Variants in CD40LG observed in about 807,000 individuals in gnomAD.
The protein encoded by CD40LG is CD40 ligand.
Under a neutral mutation model 17.2 loss-of-function variants are expected in CD40LG, and 1 was observed. That is an observed-to-expected ratio of 0.06 (90% confidence interval 0.02 to 0.28). CD40LG has a LOEUF of 0.28. CD40LG is among the 10% of genes least tolerant of loss of function. The pLI is 1.00. For synonymous variants in CD40LG, 66 were observed against 74.4 expected (o/e 0.89, Z 0.58); for missense variants, 133 against 193.2 (o/e 0.69, Z 1.85).
chrX:136,659,451 C>T lies in CD40LG; in HGVS notation c.*36C>T. ...CTTGCAGGCTGTGGTGGAGCTGACG[C>T]TGGGAGTCTTCATAATACAGCACAG... On this transcript the variant is annotated 3_prime_UTR_variant, in exon 5 of 5. Coordinates refer to ENST00000370629, the MANE Select transcript of CD40LG (RefSeq NM_000074.3). The T allele has an allele frequency of 8.4e-7, 1 of 1,196,855 alleles. No individual in the cohort carries two copies. The highest frequency in any genetic ancestry group is 1.1e-6 in the Non-Finnish European group (1 of 888,008).
At position 136,659,575 on chromosome X, in the gene CD40LG, T is replaced by C; in HGVS notation, c.*160T>C. The C allele has an allele frequency of 1.8e-6, 1 of 559,396 alleles. No homozygotes were observed. The highest frequency in any genetic ancestry group is 2.8e-6 in the Non-Finnish European group (1 of 356,192). 46.1% of individuals were successfully genotyped at this position (559,396 alleles called of 1,213,427 possible). ...CACTCCAAGGCATGTAGAACTGTAATAAGTGAATTACAGGTCACATGAAAC... is the reference window on the plus strand; with the variant it reads ...CACTCCAAGGCATGTAGAACTGTAACAAGTGAATTACAGGTCACATGAAAC... On this transcript the variant is annotated 3_prime_UTR_variant, in exon 5 of 5. Transcript: ENST00000370629.
intron 4 of CD40LG, among the ~76,000 whole-genome samples, chrX:136,656,723 T>C (rs1337483145): frequency 8.9e-6 from 1 of 111,742 alleles, no homozygotes; most frequent in Non-Finnish European, 1.9e-5. Flanking sequence ...AGAAATGGCA[T>C]GTAGTGACCT....
In CD40LG at chrX:136,650,358, C is replaced by G. The variant is rs761769948; in HGVS notation, c.249C>G (p.Asn83Lys). The change falls in exon 2 of 5, where the codon AAC (asparagine) becomes AAG (lysine). Residue 83 changes from asparagine to lysine, a missense_variant. By Grantham distance (94) the Asn-to-Lys change is moderately conservative (BLOSUM62 0). Coordinates refer to ENST00000370629, the MANE Select transcript of CD40LG (RefSeq NM_000074.3). The part of the protein sequence containing the change: ...NTGERSLSLL[N>K]CEEIKSQFEG... ...GAGAAAGATCCTTATCCTTACTGAA[C>G]TGTGAGGAGATTAAAAGCCAGTTTG... is the stretch of plus-strand genomic sequence containing the variant. 1 of 1,205,661 alleles carries G rather than the reference C, an allele frequency of 8.3e-7. No individual in the cohort carries two copies. Among genetic ancestry groups the G allele is most frequent in the Non-Finnish European group, 1.1e-6 (1 of 890,300 alleles).
chrX:136,658,427 C>T (rs2076124795), intron 4 of CD40LG, among the ~76,000 whole-genome samples: 1 of 111,591 alleles, frequency 9.0e-6, no homozygotes, highest in African/African-American at 3.3e-5. Context: ...TCAAAACATA[C>T]CGTGAAATGA....
At position 136,659,831 on chromosome X, in the gene CD40LG, C is replaced by T. The variant is rs1480677395; in HGVS notation, c.*416C>T. The T allele has an allele frequency of 4.4e-5, 6 of 135,001 alleles. No homozygotes were observed. The highest frequency in any genetic ancestry group is 7.1e-5 in the Non-Finnish European group (5 of 69,987). The allele number at this position is 135,001 out of a possible 1,213,427, so 11.1% of individuals were successfully genotyped here. A position where few individuals can be genotyped will look rare whatever the true frequency, so the allele number is the denominator to read the frequency against. On this transcript the variant is annotated 3_prime_UTR_variant, in exon 5 of 5. Coordinates refer to ENST00000370629, the MANE Select transcript of CD40LG (RefSeq NM_000074.3). ...GCAGAAGGGAAATGGGGAGCCTCAG[C>T]TCACATTCAGTTATGGTTGACTCTG...
chrX:136,648,997 A>G (rs769856442), intron 1 of CD40LG, among the ~76,000 whole-genome samples: 2 of 112,465 alleles, frequency 1.8e-5, no homozygotes, highest in Non-Finnish European at 3.8e-5. Flanking sequence ...TTGTAGTTGC[A>G]GGATGCTCAG....
In CD40LG at chrX:136,650,368, A is replaced by G. The variant is rs369975696; in HGVS notation, c.259A>G (p.Ile87Val). ...CTTATCCTTACTGAACTGTGAGGAGATTAAAAGCCAGTTTGAAGGCTTTGT... is the reference window on the plus strand; with the variant it reads ...CTTATCCTTACTGAACTGTGAGGAGGTTAAAAGCCAGTTTGAAGGCTTTGT... ...RSLSLLNCEEIKSQFEGFVKD... is the reference protein window; with the variant it reads ...RSLSLLNCEEVKSQFEGFVKD... Residue 87 changes from isoleucine to valine, a missense_variant, in exon 2 of 5, where the codon ATT becomes GTT. Transcript: ENST00000370629. 2 of 1,206,411 alleles carry G rather than the reference A, an allele frequency of 1.7e-6. No homozygotes were observed. The highest frequency in any genetic ancestry group is 1.1e-6 in the Non-Finnish European group (1 of 892,240).
chrX:136,656,905 C>T (rs769422571), intron 4 of CD40LG, among the ~76,000 whole-genome samples: 4 of 112,149 alleles, frequency 3.6e-5, no homozygotes, highest in Admixed American at 2.8e-4. Context: ...GGTCCCAAGA[C>T]GTTACATTTT....
At chrX:136,649,469 A>G (rs760411450) in intron 1 of CD40LG, among the ~76,000 whole-genome samples, 37 of 112,396 alleles carry the variant, frequency 3.3e-4, no homozygotes, top group African/African-American at 1.1e-3. Context: ...GTTTGGCCTG[A>G]TGTGCTCTGT....
chrX:136,655,102 T>C (rs2076115271), intron 3 of CD40LG, among the ~76,000 whole-genome samples: 1 of 111,596 alleles, frequency 9.0e-6, no homozygotes, highest in Admixed American at 9.5e-5. Context: ...GAGAAGTCTT[T>C]CCTCCTCAAG....
intron 3 of CD40LG, among the ~76,000 whole-genome samples, chrX:136,655,659 C>A (rs751440376): frequency 5.3e-5 from 6 of 112,348 alleles, no homozygotes; most frequent in Admixed American, 1.9e-4. Flanking sequence ...AGAATGACTG[C>A]AAGATATGTT....
intron 3 of CD40LG, among the ~76,000 whole-genome samples, chrX:136,654,981 C>T (rs898313244): frequency 2.7e-5 from 3 of 111,291 alleles, no homozygotes; most frequent in East Asian, 5.6e-4. Context: ...TAACACTGAC[C>T]GTCCAGCCTC....
At chrX:136,653,222 T>C in intron 2 of CD40LG, among the ~76,000 whole-genome samples, 1 of 112,585 alleles carries the variant, frequency 8.9e-6, no homozygotes, top group East Asian at 2.8e-4. Flanking sequence ...AAATGGAAAG[T>C]TGAAGCTCTG....
In CD40LG at chrX:136,648,411, T is replaced by A. The variant is rs1424339099; in HGVS notation, c.156+7T>A. 1 of 1,204,934 alleles carries A rather than the reference T, an allele frequency of 8.3e-7. No individual in the cohort carries two copies. Among genetic ancestry groups the A allele is most frequent in the East Asian group, 3.0e-5 (1 of 33,804 alleles). On this transcript the variant is annotated splice_region_variant and intron_variant, in intron 1 of 4. Transcript: ENST00000370629. ...TCATAGAAGGTTGGACAAGGTAAGA[T>A]GAACCACAAGCCTTTATTAACTAAA...
Position 136,659,223 on chromosome X carries a change from C to T in CD40LG, c.594C>T (p.Pro198=), listed in dbSNP as rs370353192. Reference sequence around the variant, plus strand: ...TAGCCAGCCTCTGCCTAAAGTCCCCCGGTAGATTCGAGAGAATCTTACTCA... The same window carrying T: ...TAGCCAGCCTCTGCCTAAAGTCCCCTGGTAGATTCGAGAGAATCTTACTCA... ...PFIASLCLKS[P]GRFERILLRA... Residue 198 remains proline (P), a synonymous_variant, in exon 5 of 5, where the codon CCC becomes CCT. Transcript: ENST00000370629. 3.8e-5 allele frequency: 46 copies of T among 1,209,093 alleles called. 1 individual carries two copies. The highest frequency in any genetic ancestry group is 4.6e-4 in the Middle Eastern group (2 of 4,376).
At position 136,650,358 on chromosome X, in the gene CD40LG, C is replaced by T; in HGVS notation, c.249C>T (p.Asn83=). 2.5e-6 allele frequency: 3 copies of T among 1,205,661 alleles called. No homozygotes were observed. The highest frequency in any genetic ancestry group is 3.0e-5 in the East Asian group (1 of 33,793). The change falls in exon 2 of 5, where the codon AAC becomes AAT. Residue 83 remains asparagine (N), a synonymous_variant. Coordinates refer to ENST00000370629, the MANE Select transcript of CD40LG (RefSeq NM_000074.3). ...GAGAAAGATCCTTATCCTTACTGAA[C>T]TGTGAGGAGATTAAAAGCCAGTTTG... ...NTGERSLSLL[N]CEEIKSQFEG...
At chrX:136,653,718 C>T in intron 2 of CD40LG, among the ~76,000 whole-genome samples, 1 of 112,409 alleles carries the variant, frequency 8.9e-6, no homozygotes, top group Non-Finnish European at 1.9e-5. Context: ...TGAAAAGAAA[C>T]CTTTTAAGAA....
At position 136,659,442 on chromosome X, in the gene CD40LG, G is replaced by C; in HGVS notation, c.*27G>C. The stretch of plus-strand genomic sequence containing the variant: ...CAGTGTCACCTTGCAGGCTGTGGTG[G>C]AGCTGACGCTGGGAGTCTTCATAAT... On this transcript the variant is annotated 3_prime_UTR_variant, in exon 5 of 5. Coordinates refer to ENST00000370629, the MANE Select transcript of CD40LG (RefSeq NM_000074.3). 1 of 1,202,633 alleles carries C rather than the reference G, an allele frequency of 8.3e-7. No individual in the cohort carries two copies. The highest frequency in any genetic ancestry group is 1.1e-6 in the Non-Finnish European group (1 of 892,073).
chrX:136,655,383 T>C (rs1427873000), intron 3 of CD40LG, among the ~76,000 whole-genome samples: 1 of 112,218 alleles, frequency 8.9e-6, no homozygotes, highest in Non-Finnish European at 1.9e-5. Flanking sequence ...TCTTTTAGAA[T>C]GTGGCATCGC....
Sources: gnomAD v4.1 joint callset for allele counts (sites outside exome capture counted in the v4.1 genomes callset) on GRCh38, gnomAD v4.1.1 for gene constraint, MANE v1.5 for transcripts, NCBI Gene and HGNC (gene_info 2026-07-23, HGNC 2026-07-21) for gene names.